The following MACO1 variants were observed in gnomAD, a reference collection of about 807,000 sequenced individuals.
MACO1 encodes the protein macoilin 1, also known as macoilin.
A neutral mutation model predicts 78.7 loss-of-function variants in MACO1; 14 were observed. The ratio of observed to expected loss-of-function variants is 0.18; its 90% CI spans 0.12 to 0.28. The LOEUF (loss-of-function observed/expected upper bound fraction) is 0.28, where lower values mean the gene tolerates loss of function less well. MACO1 is among the 10% of genes least tolerant of loss of function. MACO1 has a pLI of 1.00. For missense variants in MACO1, 501 were observed against 799.0 expected (o/e 0.63, Z 4.50); for synonymous variants, 288 against 291.6 (o/e 0.99, Z 0.12).
intron 10 of MACO1, among the ~76,000 whole-genome samples, chr1:25,495,455 G>A (rs981512817): frequency 9.2e-5 from 14 of 152,306 alleles, no homozygotes; most frequent in Admixed American, 6.5e-4. Flanking sequence ...TCAAAGAGAA[G>A]GTGGATATTT....
At chr1:25,468,283 C>G (rs1429533693) in intron 6 of MACO1, among the ~76,000 whole-genome samples, 1 of 152,106 alleles carries the variant, frequency 6.6e-6, no homozygotes, top group Non-Finnish European at 1.5e-5. Flanking sequence ...TTGGTCTGGT[C>G]CAGACAGCCT....
At chr1:25,483,713 C>T (rs900529348) in intron 6 of MACO1, among the ~76,000 whole-genome samples, 5 of 152,182 alleles carry the variant, frequency 3.3e-5, no homozygotes, top group African/African-American at 1.2e-4. Context: ...TATCACAAAG[C>T]ATTAAGTGGT....
At chr1:25,466,021 A>G (rs1422194528) in intron 6 of MACO1, among the ~76,000 whole-genome samples, 1 of 148,074 alleles carries the variant, frequency 6.8e-6, no homozygotes, top group Non-Finnish European at 1.5e-5. Context: ...ATTGATGGAC[A>G]CTTAGGTTGA....
rs1249848336 is a variant in MACO1, at chr1:25,458,813, A to G, written c.1075A>G (p.Lys359Glu). Reference sequence around the variant, plus strand: ...TGAGAAGAAGCAGAAATGCACTAGCAAGAGCCCAAGTACACACAAGGACTT... The same window carrying G: ...TGAGAAGAAGCAGAAATGCACTAGCGAGAGCCCAAGTACACACAAGGACTT... ...KNEKKQKCTS[K>E]SPSTHKDLME... Residue 359 changes from lysine to glutamate, a missense_variant, in exon 6 of 11, where the codon AAG (lysine) becomes GAG (glutamate). Lys to Glu is a moderately conservative substitution (Grantham distance 56). Coordinates refer to ENST00000374343, the MANE Select transcript of MACO1 (RefSeq NM_018202.6). 6.2e-7 allele frequency: 1 copy of G among 1,614,068 alleles called. No homozygotes were observed. Among genetic ancestry groups the G allele is most frequent in the African/African-American group, 1.3e-5 (1 of 74,926 alleles).
intron 6 of MACO1, among the ~76,000 whole-genome samples, chr1:25,483,480 A>T (rs2043399017): frequency 6.6e-6 from 1 of 152,256 alleles, no homozygotes; most frequent in Non-Finnish European, 1.5e-5. Context: ...ACGAGAAAAG[A>T]TAGGCTTCAT....
intron 9 of MACO1, among the ~76,000 whole-genome samples, chr1:25,491,043 A>G (rs946744333): frequency 2.0e-5 from 3 of 152,226 alleles, no homozygotes; most frequent in Non-Finnish European, 4.4e-5. Flanking sequence ...TTTTACAATT[A>G]TTAATGCAGG....
At chr1:25,484,036 T>G (rs2043404459) in intron 6 of MACO1, 80 bp from the exon 7 acceptor site, 1 of 1,454,432 alleles carries the variant, frequency 6.9e-7, no homozygotes, top group Non-Finnish European at 9.3e-7. Flanking sequence ...CACCCAGCAG[T>G]CCAGGACCCC....
intron 6 of MACO1, among the ~76,000 whole-genome samples, chr1:25,476,360 CTTG>C (rs1209689122): frequency 2.6e-5 from 4 of 152,194 alleles, no homozygotes; most frequent in African/African-American, 9.7e-5. Context: ...CAAGCTCTTG[CTTG>C]TTTTTGTACA....
rs1488865347 is a variant in MACO1 at position 25,434,882 on chromosome 1, GGTTAGGGTACTAT to G, written c.80+3707_80+3719del. Reference sequence around the variant, plus strand: ...GGCAGTGATTTTCCAGGTGAGGTGAGGTTAGGGTACTATGTAGTTTTTAAAAGCCTTAAGGGGA... The same window carrying G: ...GGCAGTGATTTTCCAGGTGAGGTGAGGTAGTTTTTAAAAGCCTTAAGGGGA... On this transcript the variant is annotated intron_variant, in intron 1 of 10. Transcript: ENST00000374343. Among the ~76,000 whole-genome samples, 4 of 152,018 alleles carry G rather than the reference GGTTAGGGTACTAT, an allele frequency of 2.6e-5. No homozygotes were observed. The East Asian group carries it at 7.7e-4, about 29-fold the overall frequency.
At chr1:25,431,218 CG>C (rs765789727) in intron 1 of MACO1, 40 bp downstream of exon 1, 1 of 1,514,502 alleles carries the variant, frequency 6.6e-7, no homozygotes, top group African/African-American at 1.4e-5. Flanking sequence ...GCGGGCCCTG[CG>C]GTCCCCCTCC....
intron 10 of MACO1, among the ~76,000 whole-genome samples, chr1:25,493,858 G>A (rs549381512): frequency 9.4e-4 from 140 of 149,150 alleles, no homozygotes; most frequent in Non-Finnish European, 8.9e-4. Context: ...TCAGCCTCCC[G>A]AGTAGCTGGG....
At chr1:25,480,974 A>T (rs1458221480) in intron 6 of MACO1, among the ~76,000 whole-genome samples, 3 of 116,524 alleles carry the variant, frequency 2.6e-5, no homozygotes, top group Admixed American at 9.2e-5. Context: ...ATATATATAT[A>T]TTTCATGTTC....
intron 7 of MACO1, among the ~76,000 whole-genome samples, chr1:25,484,781 C>T (rs1161350462): frequency 1.3e-5 from 2 of 150,800 alleles, no homozygotes; most frequent in Non-Finnish European, 3.0e-5. Flanking sequence ...GTAGGTCTGT[C>T]CTTTTTTCTT....
At chr1:25,440,704 G>T (rs1322327490) in intron 1 of MACO1, among the ~76,000 whole-genome samples, 2 of 149,792 alleles carry the variant, frequency 1.3e-5, no homozygotes, top group Non-Finnish European at 3.0e-5. Flanking sequence ...GGAGGTAGAG[G>T]TTGCAGTGAG....
chr1:25,444,576 G>A (rs1323490207), intron 1 of MACO1, among the ~76,000 whole-genome samples: 1 of 151,954 alleles, frequency 6.6e-6, no homozygotes, highest in Non-Finnish European at 1.5e-5. Context: ...AGTCAGTTGT[G>A]TTTTTTTGTT....
At chr1:25,457,301 G>T (rs895871509) in intron 5 of MACO1, among the ~76,000 whole-genome samples, 2 of 151,790 alleles carry the variant, frequency 1.3e-5, no homozygotes, top group Non-Finnish European at 2.9e-5. Flanking sequence ...TTGTAGAGAT[G>T]AGGTCTCACT....
At chr1:25,434,003 C>T (rs1446475054) in intron 1 of MACO1, among the ~76,000 whole-genome samples, 1 of 152,176 alleles carries the variant, frequency 6.6e-6, no homozygotes, top group African/African-American at 2.4e-5. Flanking sequence ...TGTGGACTCA[C>T]TTTTAAATCA....
chr1:25,470,926 G>A (rs1328562504), intron 6 of MACO1, among the ~76,000 whole-genome samples: 1 of 152,150 alleles, frequency 6.6e-6, no homozygotes, highest in African/African-American at 2.4e-5. Flanking sequence ...TACTCAGGAG[G>A]CTGAGGCACG....
intron 6 of MACO1, among the ~76,000 whole-genome samples, chr1:25,465,937 A>G (rs779670597): frequency 6.6e-6 from 1 of 152,258 alleles, no homozygotes; most frequent in East Asian, 1.9e-4. Flanking sequence ...TGCAAAAGAC[A>G]TAATTTCATT....
Sources: gnomAD v4.1 joint callset for allele counts (sites outside exome capture counted in the v4.1 genomes callset) on GRCh38, gnomAD v4.1.1 for gene constraint, MANE v1.5 for transcripts, NCBI Gene and HGNC (gene_info 2026-07-23, HGNC 2026-07-21) for gene names.